The following SORCS1 variants were observed in gnomAD, a reference collection of about 807,000 sequenced individuals.
SORCS1 encodes sortilin related VPS10 domain containing receptor 1.
Under a neutral mutation model 146.1 loss-of-function variants are expected in SORCS1, and 60 were observed. That is an observed-to-expected ratio of 0.41 (90% CI 0.33 to 0.51). The LOEUF (loss-of-function observed/expected upper bound fraction) is 0.51. Among genes scored for constraint, SORCS1 ranks in the 20% least tolerant of loss-of-function variants. The pLI is 0.21. For synonymous variants in SORCS1, 637 were observed against 584.0 expected (o/e 1.09, Z -1.31); for missense variants, 1,352 against 1,487.6 (o/e 0.91, Z 1.50).
rs538147372 is a variant in SORCS1, at chr10:107,037,958, C to T, written c.559-81378G>A. 2.6e-3 allele frequency among the ~76,000 whole-genome samples: 400 copies of T among 152,302 alleles called. 1 individual carries two copies. The highest frequency in any genetic ancestry group is 8.4e-3 in the African/African-American group (348 of 41,566). On this transcript the variant is annotated intron_variant, in intron 1 of 25. Transcript: ENST00000263054. Reference sequence around the variant, plus strand: ...TCTTGTGCCTCAGCCTCCTGAGTAGCTGGGATTACAGGCGTGCACCACCAG... The same window carrying T: ...TCTTGTGCCTCAGCCTCCTGAGTAGTTGGGATTACAGGCGTGCACCACCAG...
intron 1 of SORCS1, among the ~76,000 whole-genome samples, chr10:107,014,709 G>A (rs1018744147): frequency 6.6e-6 from 1 of 152,110 alleles, no homozygotes; most frequent in Non-Finnish European, 1.5e-5. Flanking sequence ...GTTTTAAAAA[G>A]CCCTCCAAAT....
intron 2 of SORCS1, among the ~76,000 whole-genome samples, chr10:106,871,691 T>A (rs927128241): frequency 6.6e-6 from 1 of 152,164 alleles, no homozygotes; most frequent in African/African-American, 2.4e-5. Context: ...AGCTAAATGA[T>A]GAGCACTCAT....
rs749758505 is a variant in SORCS1, at chr10:106,699,256, G to A, written c.1371C>T (p.Ser457=). 1 of 1,613,946 alleles carries A rather than the reference G, an allele frequency of 6.2e-7. No individual in the cohort carries two copies. The highest frequency in any genetic ancestry group is 1.1e-5 in the South Asian group (1 of 91,058). The change falls in exon 9 of 26, where the codon AGC becomes AGT. Residue 457 remains serine (S), a synonymous_variant. Coordinates refer to ENST00000263054, the MANE Select transcript of SORCS1 (RefSeq NM_052918.5). ...YFTLALENVQ[S]SRGPEGNIMI... is the part of the protein sequence containing the mutation. ...TGATGTTGCCCTCAGGGCCTCTGCT[G>A]CTCTGGACATTCTCCAAGGCCAGGG...
intron 6 of SORCS1, among the ~76,000 whole-genome samples, chr10:106,720,230 G>C (rs1589733412): frequency 6.6e-6 from 1 of 152,262 alleles, no homozygotes; most frequent in East Asian, 1.9e-4. Context: ...TTCATGCCTA[G>C]AAGAGCATCT....
rs141091544 is a variant in SORCS1 at position 107,136,513 on chromosome 10, A to G, written c.558+27456T>C. Among the ~76,000 whole-genome samples the G allele has an allele frequency of 3.5e-4, 53 of 152,108 alleles. No homozygotes were observed. The East Asian group carries it at 8.1e-3, about 23-fold the overall frequency. Reference sequence around the variant, plus strand: ...TGGAGACCTCAGAGTTTCAGTGCAGAAAAAAAACAAGGCTTAGAGAGGGAA... The same window carrying G: ...TGGAGACCTCAGAGTTTCAGTGCAGGAAAAAAACAAGGCTTAGAGAGGGAA... On this transcript the variant is annotated intron_variant, in intron 1 of 25. Coordinates refer to ENST00000263054, the MANE Select transcript of SORCS1 (RefSeq NM_052918.5).
Position 106,955,614 on chromosome 10 carries a change from G to C in SORCS1, c.626+899C>G, listed in dbSNP as rs115756549. Among the ~76,000 whole-genome samples the C allele has an allele frequency of 5.8e-3, 885 of 152,362 alleles. 12 individuals are homozygous for C. The highest frequency in any genetic ancestry group is 0.02 in the African/African-American group (852 of 41,596). On this transcript the variant is annotated intron_variant, in intron 2 of 25. Coordinates refer to ENST00000263054, the MANE Select transcript of SORCS1 (RefSeq NM_052918.5). ...AATACAGTGTGAATCCCAAAGATAA[G>C]GGTGTGCATGAGTGTGGGTATGCAT...
chr10:106,618,156 T>G lies in SORCS1; in HGVS notation c.2913A>C (p.Ala971=). ...NAILQDTKTI[A]VYEEFRSLRL... is the part of the protein sequence containing the mutation. ...ACTGAGATGGGCACTCACCATATAC[T>G]GCGATGGTCTTTGTGTCTTGTAGGA... Residue 971 remains alanine (A), a synonymous_variant, in exon 21 of 26, where the codon GCA becomes GCC. Transcript: ENST00000263054. 1 of 1,614,102 alleles carries G rather than the reference T, an allele frequency of 6.2e-7. No homozygotes were observed. Among genetic ancestry groups the G allele is most frequent in the Non-Finnish European group, 8.5e-7 (1 of 1,179,946 alleles).
chr10:106,733,075 T>A (rs1267107991), intron 5 of SORCS1, among the ~76,000 whole-genome samples: 1 of 141,650 alleles, frequency 7.1e-6, no homozygotes, highest in African/African-American at 2.7e-5. Flanking sequence ...ACTGCTGTAC[T>A]CTAGCATGGG....
chr10:107,106,001 T>C (rs141668546), intron 1 of SORCS1, among the ~76,000 whole-genome samples: 2 of 152,212 alleles, frequency 1.3e-5, no homozygotes, highest in African/African-American at 4.8e-5. Flanking sequence ...TCCAGGAAGT[T>C]AGGAAGGCAG....
intron 1 of SORCS1, among the ~76,000 whole-genome samples, chr10:107,149,376 T>TAA (rs148369591): frequency 1.3e-5 from 2 of 151,632 alleles, no homozygotes; most frequent in African/African-American, 4.8e-5. Context: ...CTTACTGCTG[T>TAA]AAAAAAAAAT....
chr10:106,884,613 T>C (rs1950926484), intron 2 of SORCS1, among the ~76,000 whole-genome samples: 2 of 152,166 alleles, frequency 1.3e-5, no homozygotes, highest in Non-Finnish European at 2.9e-5. Context: ...ATTTCTAACA[T>C]TTGTCAGTTA....
chr10:106,646,983 GTA>G (rs1034069535), intron 18 of SORCS1, among the ~76,000 whole-genome samples: 1 of 123,310 alleles, frequency 8.1e-6, no homozygotes, highest in South Asian at 2.7e-4. Context: ...ACATATATAT[GTA>G]TATATATGTG....
intron 1 of SORCS1, among the ~76,000 whole-genome samples, chr10:107,125,865 T>C (rs1216635368): frequency 6.6e-6 from 1 of 152,194 alleles, no homozygotes; most frequent in Non-Finnish European, 1.5e-5. Flanking sequence ...TTGACCACGA[T>C]TGTATTAAAC....
rs528218519 is a variant in SORCS1 at position 107,092,428 on chromosome 10, G to C, written c.558+71541C>G. On this transcript the variant is annotated intron_variant, in intron 1 of 25. Transcript: ENST00000263054. The stretch of plus-strand genomic sequence containing the variant: ...TAATATCATCCATATTGCATGGTGA[G>C]AGGCAATGCAAGCATAGGGCTTGGC... 3.3e-5 allele frequency among the ~76,000 whole-genome samples: 5 copies of C among 152,322 alleles called. No homozygotes were observed. The East Asian group carries it at 9.6e-4, about 29-fold the overall frequency.
chr10:107,107,715 G>A (rs539654355), intron 1 of SORCS1, among the ~76,000 whole-genome samples: 4 of 152,172 alleles, frequency 2.6e-5, no homozygotes, highest in Non-Finnish European at 5.9e-5. Context: ...TATTCAGTAG[G>A]GCCATTTTGA....
In SORCS1 at chr10:106,632,536, C is replaced by T. The variant is rs573119996; in HGVS notation, c.2476-3148G>A. Among the ~76,000 whole-genome samples, 4 of 152,306 alleles carry T rather than the reference C, an allele frequency of 2.6e-5. No homozygotes were observed. In the South Asian group the frequency reaches 8.3e-4, roughly 32 times the overall value. On this transcript the variant is annotated intron_variant, in intron 18 of 25. Coordinates refer to ENST00000263054, the MANE Select transcript of SORCS1 (RefSeq NM_052918.5). ...TCCTAATAACTATTGAGTAGACATA[C>T]TCACCCTACCGGCGCTCTGGTCATT...
intron 24 of SORCS1, among the ~76,000 whole-genome samples, chr10:106,581,492 G>A (rs189137167): frequency 6.6e-6 from 1 of 152,256 alleles, no homozygotes; most frequent in Admixed American, 6.5e-5. Context: ...TTTAAAAGGA[G>A]CAGTAGGAAT....
intron 3 of SORCS1, among the ~76,000 whole-genome samples, chr10:106,813,128 C>CTTTTTTTTTTTTTTTTTT (rs71025557): frequency 1.0e-5 from 1 of 98,746 alleles, no homozygotes; most frequent in Non-Finnish European, 2.0e-5. Flanking sequence ...CTTCTCTTTT[C>CTTTTTTTTTTTTTTTTTT]TTTTTTTTTT....
chr10:106,963,509 G>C (rs12570808), intron 1 of SORCS1, among the ~76,000 whole-genome samples: 5,556 of 152,242 alleles, frequency 0.036, 344 homozygotes, highest in African/African-American at 0.13. Context: ...GCATGTTCCA[G>C]ATTGTGTGTC....
Sources: gnomAD v4.1 joint callset for allele counts (sites outside exome capture counted in the v4.1 genomes callset) on GRCh38, gnomAD v4.1.1 for gene constraint, MANE v1.5 for transcripts, NCBI Gene and HGNC (gene_info 2026-07-23, HGNC 2026-07-21) for gene names.